The following RASAL2 variants were observed in gnomAD, a reference collection of about 807,000 sequenced individuals.
RASAL2 encodes RAS protein activator like 2.
RASAL2 carries 58 observed loss-of-function variants against 128.9 expected under a neutral mutation model. The observed-to-expected ratio is 0.45, with a 90% CI of 0.36 to 0.56. RASAL2 has a LOEUF of 0.56. RASAL2 is among the 20% of genes least tolerant of loss of function. RASAL2 has a pLI of 0.00. For synonymous variants in RASAL2, 561 were observed against 580.8 expected (o/e 0.97, Z 0.49); for missense variants, 1,360 against 1,601.6 (o/e 0.85, Z 2.57).
chr1:178,150,917 C>T (rs939334497), intron 1 of RASAL2, among the ~76,000 whole-genome samples: 21 of 151,970 alleles, frequency 1.4e-4, no homozygotes, highest in Admixed American at 6.6e-5. Context: ...TGATTTTTTT[C>T]ACTTCTTTTG....
chr1:178,281,362 C>T (rs1456576578), intron 1 of RASAL2, among the ~76,000 whole-genome samples: 1 of 151,832 alleles, frequency 6.6e-6, no homozygotes, highest in Non-Finnish European at 1.5e-5. Context: ...CTTGTTTTCA[C>T]AATACCATGA....
intron 3 of RASAL2, among the ~76,000 whole-genome samples, chr1:178,326,450 A>G (rs1234116218): frequency 1.3e-5 from 2 of 152,164 alleles, no homozygotes; most frequent in East Asian, 3.8e-4. Context: ...ATTGTATACT[A>G]TTTACATTTT....
chr1:178,456,236 A>T (rs1677762621), intron 12 of RASAL2, among the ~76,000 whole-genome samples: 1 of 152,058 alleles, frequency 6.6e-6, no homozygotes, highest in Non-Finnish European at 1.5e-5. Flanking sequence ...GCACCTTCTT[A>T]TATGTTGGCA....
chr1:178,155,156 G>A (rs1035507502), intron 1 of RASAL2, among the ~76,000 whole-genome samples: 4 of 152,072 alleles, frequency 2.6e-5, no homozygotes, highest in African/African-American at 9.7e-5. Context: ...GAGAGTTTGG[G>A]TATATAATCT....
chr1:178,225,796 A>G (rs1055352835), intron 1 of RASAL2, among the ~76,000 whole-genome samples: 3 of 151,908 alleles, frequency 2.0e-5, no homozygotes, highest in African/African-American at 7.3e-5. Flanking sequence ...GTATATATGT[A>G]TATGCTAACT....
intron 4 of RASAL2, among the ~76,000 whole-genome samples, chr1:178,412,984 T>TTTTCTTTCTTTCTC (rs1302977706): frequency 1.3e-5 from 2 of 151,730 alleles, no homozygotes; most frequent in Non-Finnish European, 2.9e-5. Context: ...CTTTCTTTCT[T>TTTTCTTTCTTTCTC]TTTCTTTCTT....
At chr1:178,231,496 T>A (rs1022460442) in intron 1 of RASAL2, among the ~76,000 whole-genome samples, 2 of 152,210 alleles carry the variant, frequency 1.3e-5, no homozygotes, top group African/African-American at 4.8e-5. Flanking sequence ...GCATGTTGAT[T>A]TTCCTAATGA....
Position 178,237,762 on chromosome 1 carries a change from T to C in RASAL2, c.203-45802T>C, listed in dbSNP as rs1262367690. Among the ~76,000 whole-genome samples the C allele has an allele frequency of 2.0e-5, 3 of 152,316 alleles. 1 individual carries two copies. Among genetic ancestry groups the C allele is most frequent in the East Asian group, 3.9e-4 (2 of 5,184 alleles). ...ATTTACCACTTTAACCATTTTTAGG[T>C]GTACAGTTCAGTGGCATAAGTAGCT... On this transcript the variant is annotated intron_variant, in intron 1 of 17. Transcript: ENST00000367649.
intron 4 of RASAL2, among the ~76,000 whole-genome samples, chr1:178,408,393 CA>C (rs1301119034): frequency 6.6e-6 from 1 of 152,018 alleles, no homozygotes. Context: ...TCTTGGTATC[CA>C]TCTATTTTTA....
intron 1 of RASAL2, among the ~76,000 whole-genome samples, chr1:178,200,263 A>G (rs1041532778): frequency 6.6e-6 from 1 of 152,200 alleles, no homozygotes; most frequent in Non-Finnish European, 1.5e-5. Context: ...CTTAATACGA[A>G]TAGACCCCAA....
chr1:178,409,980 A>T (rs1181323298), intron 4 of RASAL2, among the ~76,000 whole-genome samples: 2 of 152,198 alleles, frequency 1.3e-5, no homozygotes, highest in Non-Finnish European at 2.9e-5. Context: ...CACCAGGAAG[A>T]TTGACTTAAA....
chr1:178,285,240 C>T (rs1666969813), intron 2 of RASAL2, among the ~76,000 whole-genome samples: 1 of 151,104 alleles, frequency 6.6e-6, no homozygotes, highest in African/African-American at 2.4e-5. Context: ...CCTGCCTCAG[C>T]CTCCCGAGTA....
intron 1 of RASAL2, among the ~76,000 whole-genome samples, chr1:178,274,977 A>G (rs564001945): frequency 1.3e-5 from 2 of 152,272 alleles, no homozygotes; most frequent in South Asian, 4.2e-4. Context: ...TATATAAGTG[A>G]CCTATTTTAT....
At chr1:178,243,981 G>A (rs1664646434) in intron 1 of RASAL2, among the ~76,000 whole-genome samples, 2 of 152,126 alleles carry the variant, frequency 1.3e-5, no homozygotes, top group Non-Finnish European at 2.9e-5. Context: ...GTTGTTGAAT[G>A]GTATAACTCT....
intron 11 of RASAL2, 152 bp from the exon 12 acceptor site, chr1:178,454,295 A>G (rs1677605994): frequency 1.7e-6 from 1 of 585,196 alleles, no homozygotes; most frequent in Non-Finnish European, 3.0e-6. Flanking sequence ...TTAAGAAAGT[A>G]TGTTATAACA....
intron 1 of RASAL2, among the ~76,000 whole-genome samples, chr1:178,211,319 T>C (rs1037077156): frequency 7.9e-5 from 12 of 152,142 alleles, no homozygotes; most frequent in Non-Finnish European, 1.6e-4. Flanking sequence ...GTATCCTAGC[T>C]CACCTCCCTA....
chr1:178,162,434 TTATATATAA>T (rs1237146741), intron 1 of RASAL2, among the ~76,000 whole-genome samples: 1 of 120,728 alleles, frequency 8.3e-6, no homozygotes, highest in African/African-American at 3.3e-5. Flanking sequence ...TATATATATT[TTATATATAA>T]TATATATAAT....
chr1:178,176,953 G>A (rs899947122), intron 1 of RASAL2, among the ~76,000 whole-genome samples: 8 of 152,026 alleles, frequency 5.3e-5, no homozygotes, highest in African/African-American at 1.9e-4. Context: ...CTGGCTATCA[G>A]GTGCAATTTC....
intron 3 of RASAL2, among the ~76,000 whole-genome samples, chr1:178,306,089 T>C (rs1325535636): frequency 6.6e-6 from 1 of 152,222 alleles, no homozygotes; most frequent in African/African-American, 2.4e-5. Context: ...GACATAGATT[T>C]TGATTCATCA....
Sources: allele counts gnomAD v4.1 joint callset (sites outside exome capture counted in the v4.1 genomes callset), GRCh38; gene constraint gnomAD v4.1.1; transcripts MANE v1.5; gene names NCBI Gene and HGNC (gene_info 2026-07-23, HGNC 2026-07-21).